Variants in TTC6 observed in about 807,000 individuals in gnomAD.
The protein encoded by TTC6 is tetratricopeptide repeat domain 6.
Under a neutral mutation model 210.4 loss-of-function variants are expected in TTC6, and 172 were observed. That is an observed-to-expected ratio of 0.82 (90% CI 0.72 to 0.93). TTC6 has a LOEUF of 0.93. Ranked by LOEUF, TTC6 falls within the 40% of genes least tolerant of loss-of-function variation. The pLI, the probability that TTC6 is intolerant of heterozygous loss-of-function variation, is 0.00. For synonymous variants in TTC6, 804 were observed against 819.6 expected (o/e 0.98, Z 0.32); for missense variants, 2,414 against 2,318.1 (o/e 1.04, Z -0.85).
At chr14:37,739,056 A>G in exon 10 of TTC6, 1 of 1,534,768 alleles carries the variant, frequency 6.5e-7, no homozygotes, top group Non-Finnish European at 8.7e-7. Flanking sequence ...TACATTGTTT[A>G]TCCCAAGAAA....
At chr14:37,646,948 A>T (rs2095702726) in intron 1 of TTC6, among the ~76,000 whole-genome samples, 1 of 152,182 alleles carries the variant, frequency 6.6e-6, no homozygotes, top group African/African-American at 2.4e-5. Context: ...CCCACATGAA[A>T]GTCTTTCAGG....
At chr14:37,807,361 G>A in exon 23 of TTC6, 2 of 1,529,844 alleles carry the variant, frequency 1.3e-6, no homozygotes, top group Non-Finnish European at 1.8e-6. Flanking sequence ...TAAAAGGCAG[G>A]TATTCCAAAG....
chr14:37,611,710 A>C (rs1418658143), intron 2 of TTC6, among the ~76,000 whole-genome samples: 1 of 152,076 alleles, frequency 6.6e-6, no homozygotes, highest in East Asian at 1.9e-4. Context: ...GGGAGGTGAA[A>C]GGTCACAGTG....
intron 4 of TTC6, among the ~76,000 whole-genome samples, chr14:37,699,051 G>T (rs1188373480): frequency 1.4e-4 from 22 of 152,140 alleles, no homozygotes; most frequent in Admixed American, 1.4e-3. Flanking sequence ...GGACAGACCA[G>T]CATTAACCCT....
chr14:37,691,053 G>T (rs1175631797), intron 3 of TTC6, among the ~76,000 whole-genome samples: 1 of 152,110 alleles, frequency 6.6e-6, no homozygotes, highest in Non-Finnish European at 1.5e-5. Flanking sequence ...AAACCGGTCA[G>T]GTGTGGTGGC....
At chr14:37,830,716 C>A (rs1366516910) in intron 29 of TTC6, among the ~76,000 whole-genome samples, 1 of 149,998 alleles carries the variant, frequency 6.7e-6, no homozygotes, top group Non-Finnish European at 1.5e-5. Flanking sequence ...TTCTTGATGG[C>A]AATTGCTTCC....
exon 1 of TTC6, chr14:37,622,941 G>C: frequency 2.0e-6 from 3 of 1,531,270 alleles, no homozygotes; most frequent in Non-Finnish European, 2.6e-6. Flanking sequence ...GCTGGCCTCC[G>C]ACCAGACCAT....
chr14:37,814,297 C>T lies in TTC6; in HGVS notation c.4689+1864C>T, dbSNP rs376622961. ...TGCTGCCCCAGGACCTTTACACAAG[C>T]GAGTCCCTATGCGTACAGCACTCTT... On this transcript the variant is annotated intron_variant, in intron 25 of 30. Coordinates refer to ENST00000553443, the Ensembl canonical transcript of TTC6. Among the ~76,000 whole-genome samples the T allele has an allele frequency of 1.2e-4, 18 of 152,138 alleles. No homozygotes were observed. In the East Asian group the frequency reaches 1.7e-3, roughly 15 times the overall value.
intron 8 of TTC6, among the ~76,000 whole-genome samples, chr14:37,736,957 A>G (rs922180214): frequency 6.6e-6 from 1 of 151,962 alleles, no homozygotes; most frequent in African/African-American, 2.4e-5. Flanking sequence ...GGGTCTCACT[A>G]TGTTGCCCAG....
At chr14:37,699,124 A>T (rs1245582168) in intron 4 of TTC6, among the ~76,000 whole-genome samples, 1 of 152,204 alleles carries the variant, frequency 6.6e-6, no homozygotes, top group Non-Finnish European at 1.5e-5. Context: ...GACAGTTTGT[A>T]AAAAAGAAAA....
At chr14:37,625,053 A>G (rs1419598471) in intron 1 of TTC6, among the ~76,000 whole-genome samples, 2 of 152,090 alleles carry the variant, frequency 1.3e-5, no homozygotes, top group Admixed American at 1.3e-4. Context: ...TCTGCCTCTC[A>G]TTATCTTGAT....
chr14:37,633,389 C>A (rs1325256214), intron 1 of TTC6, among the ~76,000 whole-genome samples: 1 of 152,178 alleles, frequency 6.6e-6, no homozygotes, highest in African/African-American at 2.4e-5. Context: ...AGTTTTCCAA[C>A]CCCTTGCACT....
At chr14:37,753,907 T>C (rs911368833) in intron 14 of TTC6, among the ~76,000 whole-genome samples, 1 of 152,058 alleles carries the variant, frequency 6.6e-6, no homozygotes, top group Non-Finnish European at 1.5e-5. Flanking sequence ...TCCTATTGTA[T>C]TGTATATTAA....
At chr14:37,723,610 G>A (rs756750312) in intron 6 of TTC6, among the ~76,000 whole-genome samples, 2 of 152,064 alleles carry the variant, frequency 1.3e-5, no homozygotes, top group South Asian at 4.1e-4. Flanking sequence ...GCCAGTGCAC[G>A]TGCATAGAAG....
chr14:37,656,918 C>T (rs2095724660), intron 1 of TTC6, among the ~76,000 whole-genome samples: 2 of 151,982 alleles, frequency 1.3e-5, no homozygotes, highest in Non-Finnish European at 2.9e-5. Flanking sequence ...AATAGAAGTA[C>T]AAGTAATGTG....
chr14:37,829,170 G>T (rs778266309), intron 29 of TTC6, among the ~76,000 whole-genome samples: 12 of 151,716 alleles, frequency 7.9e-5, no homozygotes, highest in Non-Finnish European at 1.8e-4. Context: ...TTTGTTTTTG[G>T]TATGTCTCTT....
chr14:37,678,528 T>A (rs1043427532), intron 1 of TTC6, among the ~76,000 whole-genome samples: 15 of 152,306 alleles, frequency 9.8e-5, no homozygotes, highest in African/African-American at 3.6e-4. Flanking sequence ...ACACTGTTCC[T>A]TACAAATTCT....
intron 27 of TTC6, among the ~76,000 whole-genome samples, chr14:37,824,428 T>C (rs1028915876): frequency 2.6e-5 from 4 of 152,008 alleles, no homozygotes; most frequent in African/African-American, 9.7e-5. Flanking sequence ...AAGAGAGGGA[T>C]TTCCAAGGCA....
chr14:37,644,280 C>G (rs1345348187), intron 1 of TTC6, among the ~76,000 whole-genome samples: 1 of 152,084 alleles, frequency 6.6e-6, no homozygotes, highest in Non-Finnish European at 1.5e-5. Flanking sequence ...AAAGGTAATG[C>G]AATACCAATG....
Sources: gnomAD v4.1 joint callset for allele counts (sites outside exome capture counted in the v4.1 genomes callset) on GRCh38, gnomAD v4.1.1 for gene constraint, MANE v1.5 for transcripts, NCBI Gene and HGNC (gene_info 2026-07-23, HGNC 2026-07-21) for gene names.